FLT1: variants seen among roughly 807,000 people sequenced by gnomAD.
FLT1 encodes the protein fms related receptor tyrosine kinase 1.
In FLT1, 49 loss-of-function variants were observed where a neutral mutation model predicts 156.3. That is an observed-to-expected ratio of 0.31 (90% CI 0.25 to 0.40). FLT1 has a LOEUF of 0.40. Among genes scored for constraint, FLT1 ranks in the 10% least tolerant of loss-of-function variants. FLT1 has a pLI of 1.00. For synonymous variants in FLT1, 594 were observed against 583.8 expected, an observed-to-expected ratio of 1.02 and a Z score of -0.25; for missense variants, 1,322 against 1,637.2, an observed-to-expected ratio of 0.81 and a Z score of 3.32.
chr13:28,438,824 AT>A lies in FLT1; in HGVS notation c.389-480del, dbSNP rs1366139379. Among the ~76,000 whole-genome samples, 3 of 152,252 alleles carry A rather than the reference AT, an allele frequency of 2.0e-5. No homozygotes were observed. The East Asian group carries it at 5.8e-4, about 29-fold the overall frequency. On this transcript the variant is annotated intron_variant, in intron 3 of 29. Coordinates refer to ENST00000282397, the MANE Select transcript of FLT1 (RefSeq NM_002019.4). Reference sequence around the variant, plus strand: ...AGTCTAGCAAGTTGAGGAGAGGATTATCATTTGAATGACAGAAGCATGACTT... The same window carrying A: ...AGTCTAGCAAGTTGAGGAGAGGATTACATTTGAATGACAGAAGCATGACTT...
At position 28,428,557 on chromosome 13, in the gene FLT1, G is replaced by A. The variant is rs147006341; in HGVS notation, c.1107-636C>T. 5.6e-3 allele frequency among the ~76,000 whole-genome samples: 854 copies of A among 152,204 alleles called. 13 individuals are homozygous for A. Among genetic ancestry groups the A allele is most frequent in the African/African-American group, 0.02 (814 of 41,536 alleles). The stretch of plus-strand genomic sequence containing the variant: ...TGAATCGATGCATTGATATCACTCT[G>A]TTGCACACAGAACTGAGAGTCAGAG... On this transcript the variant is annotated intron_variant, in intron 8 of 29. Transcript: ENST00000282397.
intron 27 of FLT1, among the ~76,000 whole-genome samples, chr13:28,310,169 C>T (rs1870938080): frequency 6.6e-6 from 1 of 152,096 alleles, no homozygotes; most frequent in African/African-American, 2.4e-5. Context: ...GGATTACAGG[C>T]GTGAGCCACT....
chr13:28,337,134 G>A (rs1852114923), intron 17 of FLT1, among the ~76,000 whole-genome samples: 2 of 151,598 alleles, frequency 1.3e-5, no homozygotes, highest in South Asian at 4.2e-4. Context: ...TCCCTCCCAT[G>A]GGTTAGTGAG....
At chr13:28,426,124 G>A (rs2147564) in intron 10 of FLT1, among the ~76,000 whole-genome samples, 106,029 of 149,762 alleles carry the variant, frequency 0.71, 37,831 homozygotes, top group Non-Finnish European at 0.75. Flanking sequence ...TACTTTTCCT[G>A]TCAATCTTTT....
chr13:28,458,552 G>C (rs982150118), intron 3 of FLT1, among the ~76,000 whole-genome samples: 3 of 152,198 alleles, frequency 2.0e-5, no homozygotes, highest in African/African-American at 7.2e-5. Flanking sequence ...GAGAATACAG[G>C]GTCTGGGGCA....
intron 23 of FLT1, among the ~76,000 whole-genome samples, chr13:28,320,293 G>A (rs1387310168): frequency 6.6e-6 from 1 of 152,160 alleles, no homozygotes; most frequent in African/African-American, 2.4e-5. Context: ...CCCAAGGAAA[G>A]TCTGTTTTCC....
chr13:28,380,793 C>T (rs559867187), intron 14 of FLT1, among the ~76,000 whole-genome samples: 88 of 152,212 alleles, frequency 5.8e-4, no homozygotes, highest in Non-Finnish European at 1.0e-3. Flanking sequence ...ACTCACTGGA[C>T]AATTTCTGTA....
chr13:28,388,964 G>A, intron 13 of FLT1: 2 of 1,064,930 alleles, frequency 1.9e-6, no homozygotes, highest in Non-Finnish European at 2.3e-6. Flanking sequence ...TGCTAGGCTA[G>A]TCTACTGTGG....
chr13:28,319,846 C>T (rs369902995), intron 23 of FLT1, among the ~76,000 whole-genome samples: 2 of 152,204 alleles, frequency 1.3e-5, no homozygotes, highest in African/African-American at 4.8e-5. Flanking sequence ...CACAGGGACA[C>T]ACTCAGGGCT....
intron 14 of FLT1, among the ~76,000 whole-genome samples, chr13:28,382,603 AC>A (rs979635970): frequency 5.3e-5 from 8 of 152,108 alleles, no homozygotes; most frequent in African/African-American, 1.9e-4. Flanking sequence ...AAGTTTGGAG[AC>A]CACTGAAGGT....
rs573472378 is a variant in FLT1 at position 28,384,813 on chromosome 13, C to T, written c.2116+72G>A. On this transcript the variant is annotated intron_variant, in intron 14 of 29. Transcript: ENST00000282397. ...GTCTATACATACTGGAAGCAGGTGA[C>T]GGGACTGTTAAGGGAAAGGGGGGCT... is the stretch of plus-strand genomic sequence containing the variant. The T allele has an allele frequency of 4.6e-5, 66 of 1,432,102 alleles. 2 individuals carry two copies. The highest frequency in any genetic ancestry group is 2.0e-4 in the Admixed American group (12 of 59,570). The allele number at this position is 1,432,102 out of a possible 1,614,324, so 88.7% of individuals were successfully genotyped here. A position where few individuals can be genotyped will look rare whatever the true frequency, so the allele number is the denominator to read the frequency against.
At chr13:28,320,627 G>A (rs900851425) in intron 23 of FLT1, among the ~76,000 whole-genome samples, 2 of 151,502 alleles carry the variant, frequency 1.3e-5, no homozygotes, top group African/African-American at 4.9e-5. Context: ...TTCTTCCAAT[G>A]TGGCCCAGGA....
intron 3 of FLT1, among the ~76,000 whole-genome samples, chr13:28,441,779 CA>C (rs530954371): frequency 2.0e-5 from 3 of 151,780 alleles, no homozygotes; most frequent in African/African-American, 7.2e-5. Flanking sequence ...CTTCTCTGCC[CA>C]AAAAAAGTTA....
intron 16 of FLT1, among the ~76,000 whole-genome samples, chr13:28,343,554 A>G (rs896788532): frequency 3.3e-5 from 5 of 151,766 alleles, no homozygotes; most frequent in Non-Finnish European, 7.4e-5. Flanking sequence ...ATCCACCCTG[A>G]GTGCCAGGCG....
rs982031547 is a variant in FLT1, at chr13:28,301,580, T to C, written c.*1587A>G. The C allele has an allele frequency of 8.6e-6, 2 of 233,270 alleles. No individual in the cohort carries two copies. Among genetic ancestry groups the C allele is most frequent in the African/African-American group, 4.4e-5 (2 of 45,336 alleles). The allele number at this position is 233,270 out of a possible 1,614,324, so 14.5% of individuals were successfully genotyped here. ...ATTACATGGATAAAAGGAAGCATAC[T>C]CTTCTCCCCAAGAAGCAGCAATCCA... is the stretch of plus-strand genomic sequence containing the variant. On this transcript the variant is annotated 3_prime_UTR_variant, in exon 30 of 30. Transcript: ENST00000282397.
At chr13:28,394,954 G>A (rs1220651315) in intron 12 of FLT1, among the ~76,000 whole-genome samples, 1 of 152,200 alleles carries the variant, frequency 6.6e-6, no homozygotes, top group Non-Finnish European at 1.5e-5. Flanking sequence ...TATCTGTGAG[G>A]GGCATGGGGA....
intron 20 of FLT1, among the ~76,000 whole-genome samples, chr13:28,324,970 C>T (rs1256856299): frequency 6.6e-6 from 1 of 152,172 alleles, no homozygotes; most frequent in African/African-American, 2.4e-5. Context: ...TTATTACAAA[C>T]CATATTTAAG....
At chr13:28,478,727 C>G (rs1170704803) in intron 1 of FLT1, among the ~76,000 whole-genome samples, 1 of 152,078 alleles carries the variant, frequency 6.6e-6, no homozygotes, top group African/African-American at 2.4e-5. Context: ...ATTTTGATTC[C>G]CAAATAGTGC....
At chr13:28,392,232 G>A (rs1874777964) in intron 12 of FLT1, among the ~76,000 whole-genome samples, 1 of 152,210 alleles carries the variant, frequency 6.6e-6, no homozygotes, top group African/African-American at 2.4e-5. Flanking sequence ...AGTGGCTGAG[G>A]AGAGAGGATA....
Sources: allele counts gnomAD v4.1 joint callset (sites outside exome capture counted in the v4.1 genomes callset), GRCh38; gene constraint gnomAD v4.1.1; transcripts MANE v1.5; gene names NCBI Gene and HGNC (gene_info 2026-07-23, HGNC 2026-07-21).